Variants in DIAPH2 observed in about 807,000 individuals in gnomAD.
The protein encoded by DIAPH2 is protein diaphanous homolog 2.
Under a neutral mutation model 92.7 loss-of-function variants are expected in DIAPH2, and 35 were observed. The ratio of observed to expected loss-of-function variants is 0.38; its 90% CI spans 0.29 to 0.50. The LOEUF (loss-of-function observed/expected upper bound fraction) is 0.50. DIAPH2 is among the 20% of genes least tolerant of loss of function. The probability of loss-of-function intolerance (pLI) is 0.94; values close to 1 mark genes in which losing one functional copy is unlikely to be tolerated. For missense variants in DIAPH2, 701 were observed against 819.5 expected (o/e 0.86, Z 1.77); for synonymous variants, 301 against 280.4 (o/e 1.07, Z -0.73).
chrX:97,287,976 A>C (rs990940251), intron 23 of DIAPH2, among the ~76,000 whole-genome samples: 3 of 107,502 alleles, frequency 2.8e-5, no homozygotes, highest in African/African-American at 1.0e-4. Context: ...AAAAAAAAAA[A>C]AAAATTAATG....
intron 4 of DIAPH2, among the ~76,000 whole-genome samples, chrX:96,853,347 T>C (rs1484463781): frequency 8.9e-6 from 1 of 111,831 alleles, no homozygotes; most frequent in Non-Finnish European, 1.9e-5. Context: ...TTAGAAATTA[T>C]TGTTAGAGCA....
intron 22 of DIAPH2, among the ~76,000 whole-genome samples, chrX:97,148,522 T>G (rs2067262363): frequency 9.0e-6 from 1 of 110,794 alleles, no homozygotes; most frequent in Admixed American, 9.7e-5. Flanking sequence ...CTTGAGTTTC[T>G]TAGTAACAAA....
Position 97,114,756 on chromosome X carries a change from C to G in DIAPH2, c.2380C>G (p.Leu794Val), listed in dbSNP as rs1040849331. 2 of 1,206,410 alleles carry G rather than the reference C, an allele frequency of 1.7e-6. No individual in the cohort carries two copies. Among genetic ancestry groups the G allele is most frequent in the African/African-American group, 3.5e-5 (2 of 57,163 alleles). The change falls in exon 21 of 27, where the codon CTC (leucine) becomes GTC (valine). Residue 794 changes from leucine (L) to valine (V), a missense_variant. Coordinates refer to ENST00000324765, the MANE Select transcript of DIAPH2 (RefSeq NM_006729.5). ...CTCTGTGAAAATGTTACAGCCTCGT[C>G]TCAGTAGTATCCTGTTCAAGCTCAC... ...MSSVKMLQPR[L>V]SSILFKLTFE...
intron 26 of DIAPH2, among the ~76,000 whole-genome samples, chrX:97,513,844 C>G (rs1471079763): frequency 2.9e-5 from 3 of 102,634 alleles, no homozygotes; most frequent in South Asian, 4.7e-4. Context: ...GGCCCCCACT[C>G]TCTTCTGGCT....
chrX:97,423,344 C>T (rs2070029279), intron 25 of DIAPH2, among the ~76,000 whole-genome samples: 1 of 111,329 alleles, frequency 9.0e-6, no homozygotes, highest in South Asian at 3.8e-4. Flanking sequence ...TGTGAGAAAC[C>T]CATAGAGAAT....
intron 17 of DIAPH2, among the ~76,000 whole-genome samples, chrX:97,050,901 C>T (rs780519866): frequency 2.7e-5 from 3 of 111,837 alleles, no homozygotes; most frequent in Middle Eastern, 9.2e-3. Context: ...TTTGCAATCA[C>T]GGAGTGAAGG....
rs1164376381 is a variant in DIAPH2 at position 97,599,381 on chromosome X, C to T, written c.*64C>T. 3 of 807,004 alleles carry T rather than the reference C, an allele frequency of 3.7e-6. No individual in the cohort carries two copies. Among genetic ancestry groups the T allele is most frequent in the African/African-American group, 2.1e-5 (1 of 48,453 alleles). The allele number at this position is 807,004 out of a possible 1,213,427, so 66.5% of individuals were successfully genotyped here. A position where few individuals can be genotyped will look rare whatever the true frequency, so the allele number is the denominator to read the frequency against. ...ACAAAATGATGCATTTTGAGAAGAA[C>T]AAAGTGTGCACTCAGCGGCTGGAAA... is the stretch of plus-strand genomic sequence containing the variant. On this transcript the variant is annotated 3_prime_UTR_variant, in exon 27 of 27. Transcript: ENST00000324765.
intron 25 of DIAPH2, among the ~76,000 whole-genome samples, chrX:97,392,636 T>C (rs1161717826): frequency 9.0e-6 from 1 of 111,395 alleles, no homozygotes; most frequent in Non-Finnish European, 1.9e-5. Flanking sequence ...ACATCAGCAG[T>C]AGTGCACGTC....
chrX:97,487,270 CTTTTT>C (rs1444830326), intron 26 of DIAPH2, among the ~76,000 whole-genome samples: 1 of 110,723 alleles, frequency 9.0e-6, no homozygotes, highest in South Asian at 3.9e-4. Flanking sequence ...GCTGTCAATT[CTTTTT>C]TTTGTTTTTT....
chrX:97,005,212 G>A (rs1235535758), intron 17 of DIAPH2, among the ~76,000 whole-genome samples: 3 of 111,014 alleles, frequency 2.7e-5, no homozygotes, highest in Non-Finnish European at 5.7e-5. Context: ...ATTTTGCTGA[G>A]GATTTTTGCA....
At chrX:96,874,885 GT>G (rs2065168459) in intron 4 of DIAPH2, among the ~76,000 whole-genome samples, 1 of 111,753 alleles carries the variant, frequency 8.9e-6, no homozygotes. Flanking sequence ...TAAAAACTAT[GT>G]TTAGAGTTTG....
At chrX:97,583,420 G>C (rs2071455464) in intron 26 of DIAPH2, among the ~76,000 whole-genome samples, 1 of 110,195 alleles carries the variant, frequency 9.1e-6, no homozygotes, top group Non-Finnish European at 1.9e-5. Flanking sequence ...CAGGTCTGTT[G>C]GAGTACCCTG....
chrX:96,728,820 C>A (rs2064037572), intron 1 of DIAPH2, among the ~76,000 whole-genome samples: 1 of 112,560 alleles, frequency 8.9e-6, no homozygotes, highest in African/African-American at 3.2e-5. Context: ...GAAAGAAGAA[C>A]TTTCATGTCT....
chrX:96,756,144 C>T lies in DIAPH2; in HGVS notation c.343-2010C>T, dbSNP rs188641933. Among the ~76,000 whole-genome samples, 398 of 111,688 alleles carry T rather than the reference C, an allele frequency of 3.6e-3. 3 individuals are homozygous for T. The highest frequency in any genetic ancestry group is 0.012 in the African/African-American group (375 of 30,783). ...GCCTCCCAAAGTGCTAGGACTTTGG[C>T]GTGAGCCACTGTGCGTGGCCAAATT... On this transcript the variant is annotated intron_variant, in intron 3 of 26. Coordinates refer to ENST00000324765, the MANE Select transcript of DIAPH2 (RefSeq NM_006729.5).
At chrX:97,131,159 A>G (rs1384773317) in intron 21 of DIAPH2, among the ~76,000 whole-genome samples, 1 of 110,967 alleles carries the variant, frequency 9.0e-6, no homozygotes, top group Admixed American at 9.7e-5. Context: ...CTGTAATTAT[A>G]TCCAAAACAG....
chrX:96,911,544 C>T (rs1035584774), intron 5 of DIAPH2, among the ~76,000 whole-genome samples: 2 of 110,936 alleles, frequency 1.8e-5, no homozygotes, highest in African/African-American at 6.5e-5. Flanking sequence ...AACACACTAG[C>T]TAATGCCTCA....
At chrX:97,267,905 C>T (rs1472056516) in intron 23 of DIAPH2, among the ~76,000 whole-genome samples, 3 of 111,496 alleles carry the variant, frequency 2.7e-5, no homozygotes, top group Non-Finnish European at 5.6e-5. Context: ...GTTTTGTCAC[C>T]TGGGAGGGTT....
At chrX:97,409,706 A>G (rs889786959) in intron 25 of DIAPH2, among the ~76,000 whole-genome samples, 1 of 112,237 alleles carries the variant, frequency 8.9e-6, no homozygotes, top group African/African-American at 3.2e-5. Context: ...CAAATGGCAC[A>G]CCAGGAGATT....
At chrX:97,294,322 G>A (rs2068625372) in intron 23 of DIAPH2, among the ~76,000 whole-genome samples, 1 of 111,997 alleles carries the variant, frequency 8.9e-6, no homozygotes, top group South Asian at 3.7e-4. Context: ...ATTAGGACTG[G>A]AAAGTAATTT....
Sources: gnomAD v4.1 joint callset for allele counts (sites outside exome capture counted in the v4.1 genomes callset) on GRCh38, gnomAD v4.1.1 for gene constraint, MANE v1.5 for transcripts, NCBI Gene and HGNC (gene_info 2026-07-23, HGNC 2026-07-21) for gene names.